The following FER variants were observed in gnomAD, a reference collection of about 807,000 sequenced individuals.
The protein encoded by FER is tyrosine-protein kinase Fer.
A neutral mutation model predicts 111.0 loss-of-function variants in FER; 63 were observed. That is an observed-to-expected ratio of 0.57 (90% CI 0.46 to 0.70). FER has a LOEUF of 0.70. Ranked by LOEUF, FER falls within the 30% of genes least tolerant of loss-of-function variation. The pLI is 0.00. For synonymous variants in FER, 327 were observed against 313.9 expected (o/e 1.04, Z -0.44); for missense variants, 914 against 954.0 (o/e 0.96, Z 0.55).
At chr5:108,924,942 C>G (rs144842970) in intron 10 of FER, among the ~76,000 whole-genome samples, 1 of 152,020 alleles carries the variant, frequency 6.6e-6, no homozygotes, top group African/African-American at 2.4e-5. Context: ...TTCTTTTGAA[C>G]AATGCTATCA....
chr5:109,132,794 A>G (rs1468358635), intron 17 of FER, among the ~76,000 whole-genome samples: 1 of 152,146 alleles, frequency 6.6e-6, no homozygotes, highest in East Asian at 1.9e-4. Context: ...CCTGGTGAAA[A>G]GGGACTGTCA....
At chr5:108,797,411 C>T (rs540274788) in intron 2 of FER, among the ~76,000 whole-genome samples, 1 of 152,290 alleles carries the variant, frequency 6.6e-6, no homozygotes, top group South Asian at 2.1e-4. Context: ...CAAGTTCTGA[C>T]TGCTGGAATG....
intron 17 of FER, among the ~76,000 whole-genome samples, chr5:109,168,171 G>T (rs190622755): frequency 6.6e-6 from 1 of 152,074 alleles, no homozygotes. Context: ...GTAATGTCCC[G>T]GTATCTTTTA....
chr5:108,851,665 G>A (rs181325497), intron 5 of FER, among the ~76,000 whole-genome samples: 1 of 152,100 alleles, frequency 6.6e-6, no homozygotes, highest in Admixed American at 6.5e-5. Flanking sequence ...AATTTCAAAT[G>A]TGATTTTTCT....
At chr5:108,901,751 A>G (rs1432085062) in intron 10 of FER, among the ~76,000 whole-genome samples, 2 of 152,176 alleles carry the variant, frequency 1.3e-5, no homozygotes, top group African/African-American at 4.8e-5. Context: ...CAGGAGTTTG[A>G]GACCAGCCTG....
At chr5:109,032,186 GAA>G (rs969989995) in intron 13 of FER, among the ~76,000 whole-genome samples, 1 of 152,150 alleles carries the variant, frequency 6.6e-6, no homozygotes, top group Admixed American at 6.6e-5. Flanking sequence ...CAGACTGAGA[GAA>G]AGTTTGTTGG....
intron 2 of FER, among the ~76,000 whole-genome samples, chr5:108,786,055 G>A (rs1489017650): frequency 6.6e-6 from 1 of 152,228 alleles, no homozygotes; most frequent in Non-Finnish European, 1.5e-5. Context: ...GCATGTGAGT[G>A]TGCAGGTAAA....
chr5:109,124,669 A>C (rs1047455447), intron 17 of FER, among the ~76,000 whole-genome samples: 3 of 152,144 alleles, frequency 2.0e-5, no homozygotes, highest in African/African-American at 7.2e-5. Context: ...AGATCTCAAA[A>C]CTGTGACTCT....
At chr5:109,024,321 AC>A (rs920800781) in intron 13 of FER, among the ~76,000 whole-genome samples, 1 of 152,142 alleles carries the variant, frequency 6.6e-6, no homozygotes, top group African/African-American at 2.4e-5. Flanking sequence ...ACAAAATGAC[AC>A]CACTGTGTAT....
chr5:109,185,174 A>ATCTT (rs1317382661), intron 18 of FER, among the ~76,000 whole-genome samples: 1 of 152,128 alleles, frequency 6.6e-6, no homozygotes, highest in African/African-American at 2.4e-5. Flanking sequence ...GCTGGTTTGT[A>ATCTT]TCTTTGTGCT....
intron 11 of FER, among the ~76,000 whole-genome samples, chr5:108,953,612 C>T (rs554018927): frequency 5.3e-4 from 80 of 151,856 alleles, no homozygotes; most frequent in African/African-American, 1.5e-3. Context: ...CTCAGTGGTA[C>T]GAAACAATAA....
At chr5:109,024,788 A>AT (rs1270558949) in intron 13 of FER, among the ~76,000 whole-genome samples, 3 of 151,978 alleles carry the variant, frequency 2.0e-5, no homozygotes, top group Non-Finnish European at 4.4e-5. Flanking sequence ...TCTTGAATTG[A>AT]TTTTTGTATA....
In FER at chr5:109,100,420, G is replaced by A; in HGVS notation, c.1949G>A (p.Arg650Lys). ...GGAGGTGATTTCCTCACCTTTCTGA[G>A]AAGGAAGAAGGATGAACTAAAACTC... ...VSGGDFLTFL[R>K]RKKDELKLKQ... is the part of the protein sequence containing the mutation. The change falls in exon 17 of 20, where the codon AGA (arginine) becomes AAA (lysine). Residue 650 changes from arginine to lysine, a missense_variant. By Grantham distance (26) the Arg-to-Lys change is conservative. Transcript: ENST00000281092. 3 of 1,611,050 alleles carry A rather than the reference G, an allele frequency of 1.9e-6. No homozygotes were observed. The highest frequency in any genetic ancestry group is 2.5e-6 in the Non-Finnish European group (3 of 1,177,912).
At chr5:108,823,804 G>T (rs940325760) in intron 3 of FER, among the ~76,000 whole-genome samples, 23 of 151,982 alleles carry the variant, frequency 1.5e-4, no homozygotes, top group Non-Finnish European at 5.9e-5. Flanking sequence ...GTTTAATTTT[G>T]CTTTTGTTGT....
chr5:109,085,318 T>C (rs1581960880), intron 16 of FER, among the ~76,000 whole-genome samples: 3 of 151,844 alleles, frequency 2.0e-5, no homozygotes, highest in African/African-American at 7.2e-5. Context: ...ATTTTGTTAT[T>C]TGTGGTTATA....
intron 1 of FER, among the ~76,000 whole-genome samples, chr5:108,763,467 C>A (rs1360085111): frequency 1.3e-5 from 2 of 152,192 alleles, no homozygotes; most frequent in African/African-American, 4.8e-5. Flanking sequence ...AGACTCCAAG[C>A]TTGTATAGGG....
chr5:109,065,307 A>G (rs1774949217), intron 16 of FER, among the ~76,000 whole-genome samples: 1 of 152,232 alleles, frequency 6.6e-6, no homozygotes, highest in Non-Finnish European at 1.5e-5. Flanking sequence ...TCCAAGTTAA[A>G]AGTGAATATT....
intron 17 of FER, among the ~76,000 whole-genome samples, chr5:109,145,191 A>G (rs1178161809): frequency 6.6e-6 from 1 of 152,000 alleles, no homozygotes; most frequent in Admixed American, 6.6e-5. Context: ...TGATAGCTCC[A>G]ATGTTGCACA....
intron 2 of FER, among the ~76,000 whole-genome samples, chr5:108,779,935 A>T (rs183121393): frequency 6.6e-6 from 1 of 152,318 alleles, no homozygotes; most frequent in East Asian, 1.9e-4. Flanking sequence ...GCTGTTATTT[A>T]TTACACTTAT....
Sources: gnomAD v4.1 joint callset for allele counts (sites outside exome capture counted in the v4.1 genomes callset) on GRCh38, gnomAD v4.1.1 for gene constraint, MANE v1.5 for transcripts, NCBI Gene and HGNC (gene_info 2026-07-23, HGNC 2026-07-21) for gene names.